FAM83E: variants seen among roughly 807,000 people sequenced by gnomAD.
The protein encoded by FAM83E is protein FAM83E.
Under a neutral mutation model 34.3 loss-of-function variants are expected in FAM83E, and 29 were observed. The ratio of observed to expected loss-of-function variants is 0.85; its 90% CI spans 0.63 to 1.15. FAM83E has a LOEUF of 1.15. Among genes scored for constraint, FAM83E ranks in the 50% most tolerant of loss-of-function variants. FAM83E has a pLI of 0.00. For synonymous variants in FAM83E, 312 were observed against 311.6 expected (o/e 1.00, Z -0.01); for missense variants, 697 against 685.0 (o/e 1.02, Z -0.20).
At chr19:48,602,396 G>A (rs915298526) in intron 6 of FAM83E, among the ~76,000 whole-genome samples, 2 of 151,238 alleles carry the variant, frequency 1.3e-5, no homozygotes, top group Non-Finnish European at 2.9e-5. Context: ...GCCCGAGAGG[G>A]AAGGGGGGAA....
chr19:48,610,978 G>T, intron 3 of FAM83E, 131 bp from the exon 4 acceptor site: 1 of 908,354 alleles, frequency 1.1e-6, no homozygotes, highest in Non-Finnish European at 1.7e-6. Context: ...TAAAGTTCAG[G>T]TGGGCTAAAG....
chr19:48,603,714 G>C lies in FAM83E; in HGVS notation c.956C>G (p.Ser319Cys). 3.5e-6 allele frequency: 5 copies of C among 1,426,724 alleles called. No homozygotes were observed. The highest frequency in any genetic ancestry group is 4.6e-6 in the Non-Finnish European group (5 of 1,094,554). The allele number at this position is 1,426,724 out of a possible 1,614,324, so 88.4% of individuals were successfully genotyped here. A position where few individuals can be genotyped will look rare whatever the true frequency, so the allele number is the denominator to read the frequency against. ...CGGCGGAGGCGACGCGGGGGCCACG[G>C]AGCGGCGGCGGGACACGCGGTGCGG... The part of the protein sequence containing the change: ...RSPHRVSRRR[S>C]VAPASPPPPD... The change falls in exon 6 of 7, where the codon TCC (serine) becomes TGC (cysteine). Residue 319 changes from serine (S) to cysteine (C), a missense_variant. Ser to Cys is a moderately radical substitution (Grantham distance 112). Transcript: ENST00000263266.
At position 48,603,750 on chromosome 19, in the gene FAM83E, C is replaced by A; in HGVS notation, c.920G>T (p.Arg307Leu). The change falls in exon 6 of 7, where the codon CGG becomes CTG. Residue 307 changes from arginine to leucine, a missense_variant. Arg to Leu is a moderately radical substitution (Grantham distance 102). Coordinates refer to ENST00000263266, the MANE Select transcript of FAM83E (RefSeq NM_017708.4). ...QKPSVIGGLQRGRSPHRVSRR... is the reference protein window; with the variant it reads ...QKPSVIGGLQLGRSPHRVSRR... The stretch of plus-strand genomic sequence containing the variant: ...GGACACGCGGTGCGGGCTGCGGCCC[C>A]GCTGCAGGCCACCTATGACCGAGGG... 6.4e-7 allele frequency: 1 copy of A among 1,554,300 alleles called. No individual in the cohort carries two copies. The highest frequency in any genetic ancestry group is 1.2e-5 in the South Asian group (1 of 84,662).
chr19:48,614,960 G>A lies in FAM83E; in HGVS notation c.-1411C>T, dbSNP rs949291155. ...ACCTGTGCTCTCCCAGGGGGTGAAC[G>A]CCCCTCTAGACTCAGGCTTCCCGGT... is the stretch of plus-strand genomic sequence containing the variant. On this transcript the variant is annotated 5_prime_UTR_variant, in exon 1 of 7. Coordinates refer to ENST00000263266, the MANE Select transcript of FAM83E (RefSeq NM_017708.4). The A allele has an allele frequency of 2.1e-5, 5 of 237,292 alleles. No homozygotes were observed. The highest frequency in any genetic ancestry group is 3.5e-5 in the Non-Finnish European group (5 of 143,560). 14.7% of individuals were successfully genotyped at this position (237,292 alleles called of 1,614,324 possible). A position where few individuals can be genotyped will look rare whatever the true frequency, so the allele number is the denominator to read the frequency against.
intron 5 of FAM83E, chr19:48,607,665 T>G: frequency 2.7e-6 from 1 of 364,150 alleles, no homozygotes; most frequent in Non-Finnish European, 5.1e-6. Context: ...CCATGAAATA[T>G]GGTAAAAAAT....
chr19:48,609,265 C>CTTTTTTTTTTTTTTTTTTTTTTTT (rs869031073), intron 5 of FAM83E, among the ~76,000 whole-genome samples: 1 of 99,692 alleles, frequency 1.0e-5, no homozygotes, highest in Non-Finnish European at 1.9e-5. Flanking sequence ...TTCTTTCTTT[C>CTTTTTTTTTTTTTTTTTTTTTTTT]TTTTTTTTTT....
chr19:48,601,215 G>A lies in FAM83E; in HGVS notation c.1331C>T (p.Pro444Leu). 1 of 1,610,716 alleles carries A rather than the reference G, an allele frequency of 6.2e-7. No individual in the cohort carries two copies. Among genetic ancestry groups the A allele is most frequent in the East Asian group, 2.2e-5 (1 of 44,754 alleles). Residue 444 changes from proline to leucine, a missense_variant, in exon 7 of 7, where the codon CCA becomes CTA. By Grantham distance (98) the Pro-to-Leu change is moderately conservative. Coordinates refer to ENST00000263266, the MANE Select transcript of FAM83E (RefSeq NM_017708.4). ...PPAHRLRYLS[P>L]ARRRFGGDAT... The stretch of plus-strand genomic sequence containing the variant: ...ATCCCCACCGAACCGCCTTCGGGCT[G>A]GGGACAGATAGCGGAGGCGGTGGGC...
chr19:48,610,109 CT>C, intron 4 of FAM83E, 109 bp from the exon 5 acceptor site: 1 of 1,400,830 alleles, frequency 7.1e-7, no homozygotes, highest in East Asian at 2.4e-5. Context: ...ATAGAAGTAT[CT>C]GTCCAAGGCC....
rs1024332339 is a variant in FAM83E, at chr19:48,600,205, G to A, written c.*904C>T. 2.0e-5 allele frequency among the ~76,000 whole-genome samples: 3 copies of A among 152,304 alleles called. No homozygotes were observed. The highest frequency in any genetic ancestry group is 1.9e-4 in the East Asian group (1 of 5,184). On this transcript the variant is annotated 3_prime_UTR_variant, in exon 7 of 7. Transcript: ENST00000263266. ...GCAGCTCTAGCTCGGGGCCTCACCC[G>A]GGCCCCTCATCAGGAAGGCCTGACC...
At chr19:48,604,655 A>G (rs1973892590) in intron 5 of FAM83E, among the ~76,000 whole-genome samples, 1 of 148,874 alleles carries the variant, frequency 6.7e-6, no homozygotes, top group Non-Finnish European at 1.5e-5. Context: ...TTGAGGCTGC[A>G]GTGAGCCGTG....
At position 48,614,685 on chromosome 19, in the gene FAM83E, T is replaced by TC. The variant is rs962850624; in HGVS notation, c.-1256+22dup. The TC allele has an allele frequency of 1.0e-4, 26 of 251,756 alleles. No homozygotes were observed. The East Asian group carries it at 5.2e-3, about 50-fold the overall frequency. The allele number at this position is 251,756 out of a possible 1,614,324, so 15.6% of individuals were successfully genotyped here. A position where few individuals can be genotyped will look rare whatever the true frequency, so the allele number is the denominator to read the frequency against. ...AGCCTCCCCGCCCCACCCTCACCCA[T>TC]CCCCCCCATCGCCGGGGCTCACCCA... On this transcript the variant is annotated intron_variant, in intron 2 of 6. Coordinates refer to ENST00000263266, the MANE Select transcript of FAM83E (RefSeq NM_017708.4).
At position 48,601,475 on chromosome 19, in the gene FAM83E, T is replaced by C. The variant is rs1973814546; in HGVS notation, c.1177-106A>G. On this transcript the variant is annotated intron_variant, in intron 6 of 6. Coordinates refer to ENST00000263266, the MANE Select transcript of FAM83E (RefSeq NM_017708.4). Reference sequence around the variant, plus strand: ...TGAGGCAAGAGAGAAGCAGCGAAAGTGACAGACGGCCAGGCACGGTGGCTC... The same window carrying C: ...TGAGGCAAGAGAGAAGCAGCGAAAGCGACAGACGGCCAGGCACGGTGGCTC... 2.0e-6 allele frequency: 3 copies of C among 1,483,466 alleles called. No homozygotes were observed. The South Asian group carries it at 4.0e-5, about 20-fold the overall frequency. The allele number at this position is 1,483,466 out of a possible 1,614,324, so 91.9% of individuals were successfully genotyped here. A position where few individuals can be genotyped will look rare whatever the true frequency, so the allele number is the denominator to read the frequency against.
chr19:48,602,824 G>T (rs1601122284), intron 6 of FAM83E, among the ~76,000 whole-genome samples: 1 of 58,550 alleles, frequency 1.7e-5, no homozygotes. Flanking sequence ...TTTATTTATT[G>T]TTTATTATTA....
chr19:48,612,800 C>G, intron 3 of FAM83E, 108 bp downstream of exon 3: 5 of 1,299,916 alleles, frequency 3.8e-6, no homozygotes, highest in Non-Finnish European at 5.2e-6. Context: ...GGGTATAGGT[C>G]CTTTAGGGTA....
Position 48,603,704 on chromosome 19 carries a change from G to T in FAM83E, c.966C>A (p.Pro322=). 7.2e-7 allele frequency: 1 copy of T among 1,380,424 alleles called. No individual in the cohort carries two copies. The highest frequency in any genetic ancestry group is 9.4e-7 in the Non-Finnish European group (1 of 1,065,950). 85.5% of individuals were successfully genotyped at this position (1,380,424 alleles called of 1,614,324 possible). ...HRVSRRRSVA[P]ASPPPPDGPL... ...GGCCGTCAGGCGGCGGAGGCGACGC[G>T]GGGGCCACGGAGCGGCGGCGGGACA... Residue 322 remains proline (P), a synonymous_variant, in exon 6 of 7, where the codon CCC becomes CCA. Transcript: ENST00000263266.
In FAM83E at chr19:48,603,693, G is replaced by C. The variant is rs887845430; in HGVS notation, c.977C>G (p.Pro326Arg). 1.1e-5 allele frequency: 14 copies of C among 1,327,808 alleles called. No individual in the cohort carries two copies. The highest frequency in any genetic ancestry group is 1.4e-5 in the Non-Finnish European group (14 of 1,036,490). 82.3% of individuals were successfully genotyped at this position (1,327,808 alleles called of 1,614,324 possible). Residue 326 changes from proline (P) to arginine (R), a missense_variant, in exon 6 of 7, where the codon CCG (proline) becomes CGG (arginine). By Grantham distance (103) the Pro-to-Arg change is moderately radical. Coordinates refer to ENST00000263266, the MANE Select transcript of FAM83E (RefSeq NM_017708.4). Reference sequence around the variant, plus strand: ...GTGGGCCAGCGGGCCGTCAGGCGGCGGAGGCGACGCGGGGGCCACGGAGCG... The same window carrying C: ...GTGGGCCAGCGGGCCGTCAGGCGGCCGAGGCGACGCGGGGGCCACGGAGCG... The part of the protein sequence containing the change: ...RRRSVAPASP[P>R]PPDGPLAHRL...
chr19:48,611,748 C>T (rs562137900), intron 3 of FAM83E, among the ~76,000 whole-genome samples: 2 of 152,276 alleles, frequency 1.3e-5, no homozygotes, highest in South Asian at 2.1e-4. Flanking sequence ...GATTACAGGC[C>T]GTGAGCCACC....
chr19:48,604,715 C>G lies in FAM83E; in HGVS notation c.759-804G>C, dbSNP rs113338681. ...GGCAGCAAAGCAAGACCCTGTCCCC[C>G]TCGCCCCCCTCCCAAAAAAAAAAAA... On this transcript the variant is annotated intron_variant, in intron 5 of 6. Transcript: ENST00000263266. Among the ~76,000 whole-genome samples, 203 of 144,104 alleles carry G rather than the reference C, an allele frequency of 1.4e-3. 1 individual carries two copies. The highest frequency in any genetic ancestry group is 4.8e-3 in the African/African-American group (192 of 39,656). The allele number at this position is 144,104 out of a possible 152,430, so 94.5% of individuals were successfully genotyped here. A position where few individuals can be genotyped will look rare whatever the true frequency, so the allele number is the denominator to read the frequency against.
At position 48,614,772 on chromosome 19, in the gene FAM83E, G is replaced by T. The variant is rs894839843; in HGVS notation, c.-1320C>A. 5 of 985,562 alleles carry T rather than the reference G, an allele frequency of 5.1e-6. No homozygotes were observed. Among genetic ancestry groups the T allele is most frequent in the Non-Finnish European group, 6.0e-6 (5 of 830,062 alleles). 61.1% of individuals were successfully genotyped at this position (985,562 alleles called of 1,614,324 possible). A position where few individuals can be genotyped will look rare whatever the true frequency, so the allele number is the denominator to read the frequency against. On this transcript the variant is annotated 5_prime_UTR_variant, in exon 2 of 7. Coordinates refer to ENST00000263266, the MANE Select transcript of FAM83E (RefSeq NM_017708.4). Reference sequence around the variant, plus strand: ...GTGCCTGCTTTTTCCGAGAACGTAGGCTGTGGCTCCCCGGCTTCTACTTCT... The same window carrying T: ...GTGCCTGCTTTTTCCGAGAACGTAGTCTGTGGCTCCCCGGCTTCTACTTCT...
Sources: allele counts gnomAD v4.1 joint callset (sites outside exome capture counted in the v4.1 genomes callset), GRCh38; gene constraint gnomAD v4.1.1; transcripts MANE v1.5; gene names NCBI Gene and HGNC (gene_info 2026-07-23, HGNC 2026-07-21).